The following GPC5 variants were observed in gnomAD, a reference collection of about 807,000 sequenced individuals.
GPC5 encodes glypican-5.
GPC5 carries 47 observed loss-of-function variants against 53.9 expected under a neutral mutation model. The ratio of observed to expected loss-of-function variants is 0.87; its 90% CI spans 0.69 to 1.11. The LOEUF (loss-of-function observed/expected upper bound fraction) is 1.11, where lower values mean the gene tolerates loss of function less well. GPC5 is among the 50% of genes most tolerant of loss of function. The probability of loss-of-function intolerance (pLI) is 0.00; values close to 1 mark genes in which losing one functional copy is unlikely to be tolerated. For missense variants in GPC5, 748 were observed against 713.1 expected (o/e 1.05, Z -0.56); for synonymous variants, 286 against 263.3 (o/e 1.09, Z -0.84).
In GPC5 at chr13:92,201,824, A is replaced by G. The variant is rs190978550; in HGVS notation, c.1561+56835A>G. Among the ~76,000 whole-genome samples the G allele has an allele frequency of 1.5e-3, 231 of 152,352 alleles. 3 individuals are homozygous for G. The highest frequency in any genetic ancestry group is 2.1e-3 in the East Asian group (11 of 5,192). On this transcript the variant is annotated intron_variant, in intron 7 of 7. Transcript: ENST00000377067. Reference sequence around the variant, plus strand: ...TTGCCAGGAATTTTCTTTAGTGTACATAAAGCAATAATACATCTGACAATT... The same window carrying G: ...TTGCCAGGAATTTTCTTTAGTGTACGTAAAGCAATAATACATCTGACAATT...
At chr13:92,599,823 A>G (rs1033020255) in intron 7 of GPC5, among the ~76,000 whole-genome samples, 3 of 152,126 alleles carry the variant, frequency 2.0e-5, no homozygotes, top group African/African-American at 7.2e-5. Flanking sequence ...TTGTAAAAAA[A>G]AATTATTCTG....
intron 3 of GPC5, among the ~76,000 whole-genome samples, chr13:91,723,810 A>G (rs995655487): frequency 6.6e-6 from 1 of 152,202 alleles, no homozygotes; most frequent in South Asian, 2.1e-4. Context: ...TCCCTTGCCC[A>G]TTAGTTATTA....
chr13:91,997,630 T>G (rs2040515903), intron 6 of GPC5, among the ~76,000 whole-genome samples: 1 of 152,310 alleles, frequency 6.6e-6, no homozygotes, highest in African/African-American at 2.4e-5. Context: ...GCGATTCTCC[T>G]GCCTCAGCCT....
chr13:92,381,820 T>C (rs969868326), intron 7 of GPC5, among the ~76,000 whole-genome samples: 1 of 114,976 alleles, frequency 8.7e-6, no homozygotes, highest in Non-Finnish European at 1.8e-5. Flanking sequence ...TTATTTCATA[T>C]ATAATCATAT....
chr13:92,866,536 A>G lies in GPC5; in HGVS notation c.*97A>G. The G allele has an allele frequency of 9.7e-7, 1 of 1,030,070 alleles. No individual in the cohort carries two copies. Among genetic ancestry groups the G allele is most frequent in the Non-Finnish European group, 1.3e-6 (1 of 744,900 alleles). 63.8% of individuals were successfully genotyped at this position (1,030,070 alleles called of 1,614,324 possible). On this transcript the variant is annotated 3_prime_UTR_variant, in exon 8 of 8. Transcript: ENST00000377067. ...GAGATCCTTTTTCAATGTAACAATT[A>G]TATTTATGAAAAGATATGTTACACT...
intron 7 of GPC5, among the ~76,000 whole-genome samples, chr13:92,501,048 A>G (rs1247430660): frequency 6.6e-6 from 1 of 152,084 alleles, no homozygotes; most frequent in East Asian, 1.9e-4. Context: ...AAAACATAAT[A>G]CTCAAAATGT....
intron 7 of GPC5, chr13:92,719,787 T>C (rs905750208): frequency 1.3e-5 from 2 of 152,166 alleles, no homozygotes; most frequent in African/African-American, 4.8e-5. Flanking sequence ...AAAGCCTTAG[T>C]AAGTTACACA....
intron 7 of GPC5, among the ~76,000 whole-genome samples, chr13:92,349,356 G>C (rs2043455303): frequency 6.6e-6 from 1 of 151,952 alleles, no homozygotes; most frequent in African/African-American, 2.4e-5. Flanking sequence ...TGTTGGTCAG[G>C]CTGGTCTTGA....
chr13:91,636,480 T>C lies in GPC5; in HGVS notation c.326-56707T>C, dbSNP rs528782623. Among the ~76,000 whole-genome samples the C allele has an allele frequency of 3.3e-5, 5 of 152,192 alleles. No individual in the cohort carries two copies. The East Asian group carries it at 9.6e-4, about 29-fold the overall frequency. ...GTGTGTATCTCCTTTTAAAACAAAATCAAATTGCTATACAATAAGTCTTTT... is the reference window on the plus strand; with the variant it reads ...GTGTGTATCTCCTTTTAAAACAAAACCAAATTGCTATACAATAAGTCTTTT... On this transcript the variant is annotated intron_variant, in intron 2 of 7. Coordinates refer to ENST00000377067, the MANE Select transcript of GPC5 (RefSeq NM_004466.6).
At chr13:92,848,016 A>G (rs1010711824) in intron 7 of GPC5, among the ~76,000 whole-genome samples, 1 of 152,162 alleles carries the variant, frequency 6.6e-6, no homozygotes, top group South Asian at 2.1e-4. Flanking sequence ...TGAGTCCCGA[A>G]GGCGACTCCT....
intron 6 of GPC5, among the ~76,000 whole-genome samples, chr13:92,026,999 A>G (rs2040806175): frequency 6.6e-6 from 1 of 152,206 alleles, no homozygotes; most frequent in Admixed American, 6.5e-5. Context: ...GCCTGCCACT[A>G]TCTTCACAGC....
intron 7 of GPC5, among the ~76,000 whole-genome samples, chr13:92,741,320 A>G (rs1594470007): frequency 6.6e-6 from 1 of 151,846 alleles, no homozygotes; most frequent in East Asian, 2.0e-4. Context: ...GGAAGAGAGA[A>G]TTGAGCAATC....
intron 2 of GPC5, among the ~76,000 whole-genome samples, chr13:91,514,889 G>T (rs546137865): frequency 6.6e-6 from 1 of 151,858 alleles, no homozygotes; most frequent in Non-Finnish European, 1.5e-5. Context: ...TCACTTTAAG[G>T]TCAAAAATAA....
chr13:91,856,556 G>C (rs942854296), intron 5 of GPC5, among the ~76,000 whole-genome samples: 13 of 151,270 alleles, frequency 8.6e-5, no homozygotes, highest in Non-Finnish European at 1.5e-4. Flanking sequence ...CAAAATTAAA[G>C]ATGTTAGGTG....
At chr13:91,960,326 A>G (rs1039149250) in intron 6 of GPC5, among the ~76,000 whole-genome samples, 4 of 151,702 alleles carry the variant, frequency 2.6e-5, no homozygotes, top group African/African-American at 9.7e-5. Context: ...TCTCACTTAC[A>G]ATGGCTACAA....
At chr13:92,617,479 C>T (rs758887733) in intron 7 of GPC5, among the ~76,000 whole-genome samples, 4 of 152,102 alleles carry the variant, frequency 2.6e-5, no homozygotes, top group Admixed American at 6.6e-5. Context: ...TAATTCCTTA[C>T]ATTTGCTTAC....
At chr13:91,400,892 G>A (rs1876895903) in intron 1 of GPC5, among the ~76,000 whole-genome samples, 1 of 152,168 alleles carries the variant, frequency 6.6e-6, no homozygotes, top group Non-Finnish European at 1.5e-5. Context: ...TAAGGAGAGG[G>A]AAATGACTGT....
intron 2 of GPC5, among the ~76,000 whole-genome samples, chr13:91,601,644 C>T (rs189214227): frequency 4.3e-4 from 66 of 152,148 alleles, no homozygotes; most frequent in South Asian, 3.1e-3. Context: ...ACTCTGCATA[C>T]GAGGGATCTC....
At chr13:92,663,493 CTT>C (rs921745497) in intron 7 of GPC5, among the ~76,000 whole-genome samples, 1 of 150,152 alleles carries the variant, frequency 6.7e-6, no homozygotes, top group African/African-American at 2.5e-5. Flanking sequence ...AATCTCAGCA[CTT>C]TGGGAGGCTT....
Sources: allele counts gnomAD v4.1 joint callset (sites outside exome capture counted in the v4.1 genomes callset), GRCh38; gene constraint gnomAD v4.1.1; transcripts MANE v1.5; gene names NCBI Gene and HGNC (gene_info 2026-07-23, HGNC 2026-07-21).